The following RYR2 variants were observed in gnomAD, a reference collection of about 807,000 sequenced individuals.
RYR2 encodes ryanodine receptor 2.
RYR2 carries 227 observed loss-of-function variants against 601.1 expected under a neutral mutation model. The ratio of observed to expected loss-of-function variants is 0.38; its 90% confidence interval spans 0.34 to 0.42. The LOEUF is 0.42. Among genes scored for constraint, RYR2 ranks in the 10% least tolerant of loss-of-function variants. The pLI is 1.00. For missense variants in RYR2, 4,646 were observed against 6,156.5 expected (o/e 0.75, Z 8.21); for synonymous variants, 2,223 against 2,175.1 (o/e 1.02, Z -0.61).
chr1:237,359,706 T>C (rs1699611460), intron 4 of RYR2, among the ~76,000 whole-genome samples: 1 of 152,154 alleles, frequency 6.6e-6, no homozygotes, highest in African/African-American at 2.4e-5. Flanking sequence ...CTTCTCTCCA[T>C]CATCACTGTC....
At position 237,377,255 on chromosome 1, in the gene RYR2, A is replaced by G. The variant is rs1391172185; in HGVS notation, c.464-68A>G. The G allele has an allele frequency of 7.8e-6, 9 of 1,156,028 alleles. No homozygotes were observed. In the East Asian group the frequency reaches 1.8e-4, roughly 23 times the overall value. The allele number at this position is 1,156,028 out of a possible 1,614,324, so 71.6% of individuals were successfully genotyped here. On this transcript the variant is annotated intron_variant, in intron 7 of 104. Transcript: ENST00000366574. ...TTCTGAAAGTTGTGTGTTGGGAATC[A>G]TTGGCAAAGAAAATAGATTTTAATT...
At chr1:237,301,403 G>T (rs1693337445) in intron 2 of RYR2, among the ~76,000 whole-genome samples, 1 of 152,100 alleles carries the variant, frequency 6.6e-6, no homozygotes, top group African/African-American at 2.4e-5. Context: ...CATACTGTAG[G>T]AACTTCATTT....
intron 1 of RYR2, among the ~76,000 whole-genome samples, chr1:237,257,136 G>A (rs577669467): frequency 3.6e-4 from 55 of 152,296 alleles, no homozygotes; most frequent in African/African-American, 1.3e-3. Context: ...TTAATGCAGT[G>A]ATTTGATATC....
rs191580707 is a variant in RYR2, at chr1:237,050,090, C to A, written c.48+7521C>A. 2.0e-5 allele frequency among the ~76,000 whole-genome samples: 3 copies of A among 152,020 alleles called. No homozygotes were observed. The East Asian group carries it at 5.8e-4, about 30-fold the overall frequency. On this transcript the variant is annotated intron_variant, in intron 1 of 104. Coordinates refer to ENST00000366574, the MANE Select transcript of RYR2 (RefSeq NM_001035.3). ...TGTTAGTGACGGAGTGTTCAGAGGA[C>A]CTACACGTAATTGCTTTCATGTTCG...
Position 237,454,514 on chromosome 1 carries a change from T to C in RYR2, c.1416T>C (p.His472=), listed in dbSNP as rs1658572678. The change falls in exon 15 of 105, where the codon CAT becomes CAC. Residue 472 remains histidine (H), a synonymous_variant. Transcript: ENST00000366574. The stretch of plus-strand genomic sequence containing the variant: ...ACCCCCCAGATGAGCATTTAGAGCA[T>C]GAAGACAAACAGAACAGACTACGAG... The part of the protein sequence containing the change: ...YFHPPDEHLE[H]EDKQNRLRAL... 1 of 1,613,548 alleles carries C rather than the reference T, an allele frequency of 6.2e-7. No homozygotes were observed. The highest frequency in any genetic ancestry group is 8.5e-7 in the Non-Finnish European group (1 of 1,179,654).
intron 70 of RYR2, among the ~76,000 whole-genome samples, chr1:237,710,143 A>C (rs573866093): frequency 6.6e-6 from 1 of 152,306 alleles, no homozygotes; most frequent in African/African-American, 2.4e-5. Flanking sequence ...GTATTTTTAA[A>C]CCTGGAAAAG....
intron 1 of RYR2, among the ~76,000 whole-genome samples, chr1:237,066,886 C>T (rs926612324): frequency 2.6e-5 from 4 of 152,132 alleles, no homozygotes; most frequent in African/African-American, 9.7e-5. Flanking sequence ...ATCCGCCCGC[C>T]TCGGCCTCCC....
intron 1 of RYR2, among the ~76,000 whole-genome samples, chr1:237,223,065 G>A (rs186456276): frequency 5.9e-5 from 9 of 152,260 alleles, no homozygotes; most frequent in African/African-American, 2.2e-4. Context: ...GTGAAACTCC[G>A]TCTCAAAACA....
In RYR2 at chr1:237,754,651, C is replaced by G. The variant is rs75393211; in HGVS notation, c.11146-1637C>G. Among the ~76,000 whole-genome samples the G allele has an allele frequency of 9.6e-3, 1,467 of 152,260 alleles. 22 individuals are homozygous for G. The highest frequency in any genetic ancestry group is 0.033 in the African/African-American group (1,366 of 41,554). ...TCTCTCACAAAAGGAGCTGGTTAAGCTTTAAGCGAAAGTTCCACATGGAGC... is the reference window on the plus strand; with the variant it reads ...TCTCTCACAAAAGGAGCTGGTTAAGGTTTAAGCGAAAGTTCCACATGGAGC... On this transcript the variant is annotated intron_variant, in intron 80 of 104. Transcript: ENST00000366574.
chr1:237,617,338 A>T lies in RYR2; in HGVS notation c.5768A>T (p.Glu1923Val). The T allele has an allele frequency of 6.2e-7, 1 of 1,613,890 alleles. No individual in the cohort carries two copies. Among genetic ancestry groups the T allele is most frequent in the Non-Finnish European group, 8.5e-7 (1 of 1,179,832 alleles). Residue 1923 changes from glutamate to valine, a missense_variant, in exon 38 of 105, where the codon GAA becomes GTA. By Grantham distance (121) the Glu-to-Val change is moderately radical. Transcript: ENST00000366574. ...GACTGCCAGGTCCGGCACCGGATAG[A>T]AGCCATTGTAGCCTTTTCAGATGAT... is the stretch of plus-strand genomic sequence containing the variant. ...LCDCQVRHRI[E>V]AIVAFSDDFV...
At chr1:237,377,288 AC>A in intron 7 of RYR2, 34 bp from the exon 8 acceptor site, 1 of 1,498,966 alleles carries the variant, frequency 6.7e-7, no homozygotes, top group Non-Finnish European at 9.1e-7. Flanking sequence ...ATTAAGAGGA[AC>A]TTTTTCATGT....
rs568952923 is a variant in RYR2 at position 237,228,798 on chromosome 1, C to T, written c.49-41699C>T. ...AAAAAGAGTAAGAACCTGCACTGTTCAAAATGTAAATTAAGTGTTATCAGA... is the reference window on the plus strand; with the variant it reads ...AAAAAGAGTAAGAACCTGCACTGTTTAAAATGTAAATTAAGTGTTATCAGA... On this transcript the variant is annotated intron_variant, in intron 1 of 104. Coordinates refer to ENST00000366574, the MANE Select transcript of RYR2 (RefSeq NM_001035.3). Among the ~76,000 whole-genome samples, 733 of 152,208 alleles carry T rather than the reference C, an allele frequency of 4.8e-3. 9 individuals carry two copies. The highest frequency in any genetic ancestry group is 0.017 in the African/African-American group (710 of 41,518).
At chr1:237,535,020 C>T (rs1006789294) in intron 25 of RYR2, among the ~76,000 whole-genome samples, 5 of 151,334 alleles carry the variant, frequency 3.3e-5, no homozygotes, top group African/African-American at 1.2e-4. Context: ...ATATATAATA[C>T]CTCATTATTA....
intron 95 of RYR2, 140 bp downstream of exon 95, chr1:237,794,137 C>G: frequency 1.4e-6 from 1 of 709,318 alleles, no homozygotes; most frequent in Non-Finnish European, 2.3e-6. Flanking sequence ...AATCTAAAGA[C>G]TCAGTGCTGT....
At chr1:237,615,317 C>T (rs951152998) in intron 37 of RYR2, among the ~76,000 whole-genome samples, 2 of 152,096 alleles carry the variant, frequency 1.3e-5, no homozygotes, top group Non-Finnish European at 2.9e-5. Flanking sequence ...TCAGCTTCTA[C>T]AGCAGCTGGG....
Position 237,828,455 on chromosome 1 carries a change from T to C in RYR2, c.14655+10T>C. On this transcript the variant is annotated intron_variant, in intron 102 of 104. Coordinates refer to ENST00000366574, the MANE Select transcript of RYR2 (RefSeq NM_001035.3). ...CAAAGAAGACATGGAGGTAAGCTTC[T>C]CCATTCATGACTCAGCTTCTTTGTT... The C allele has an allele frequency of 6.5e-7, 1 of 1,546,030 alleles. No homozygotes were observed. Among genetic ancestry groups the C allele is most frequent in the Non-Finnish European group, 8.8e-7 (1 of 1,138,988 alleles).
chr1:237,651,928 G>A (rs1229594313), intron 51 of RYR2, among the ~76,000 whole-genome samples: 1 of 151,998 alleles, frequency 6.6e-6, no homozygotes, highest in Non-Finnish European at 1.5e-5. Flanking sequence ...GCCCAGTTAC[G>A]TGGAAGGCTG....
chr1:237,403,864 A>C (rs575870370), intron 10 of RYR2, among the ~76,000 whole-genome samples: 1 of 152,360 alleles, frequency 6.6e-6, no homozygotes, highest in Admixed American at 6.5e-5. Context: ...AAAAAAAGCC[A>C]CAGAAAGATA....
At chr1:237,273,872 C>A (rs1689962002) in intron 2 of RYR2, among the ~76,000 whole-genome samples, 2 of 146,954 alleles carry the variant, frequency 1.4e-5, no homozygotes, top group Admixed American at 1.4e-4. Flanking sequence ...ATTTTATGAA[C>A]ATATGTATAT....
Sources: allele counts gnomAD v4.1 joint callset (sites outside exome capture counted in the v4.1 genomes callset), GRCh38; gene constraint gnomAD v4.1.1; transcripts MANE v1.5; gene names NCBI Gene and HGNC (gene_info 2026-07-23, HGNC 2026-07-21).